The following SLC25A21 variants were observed in gnomAD, a reference collection of about 807,000 sequenced individuals.
SLC25A21 encodes mitochondrial 2-oxodicarboxylate carrier.
Under a neutral mutation model 43.8 loss-of-function variants are expected in SLC25A21, and 47 were observed. The observed-to-expected ratio is 1.07, with a 90% CI of 0.85 to 1.37. The LOEUF (loss-of-function observed/expected upper bound fraction) is 1.37, where lower values mean the gene tolerates loss of function less well. Ranked by LOEUF, SLC25A21 falls within the 40% of genes most tolerant of loss-of-function variation. SLC25A21 has a pLI of 0.00. For missense variants in SLC25A21, 352 were observed against 350.2 expected (o/e 1.00, Z -0.04); for synonymous variants, 131 against 121.3 (o/e 1.08, Z -0.52).
intron 1 of SLC25A21, among the ~76,000 whole-genome samples, chr14:37,141,007 G>A (rs567128086): frequency 1.6e-4 from 24 of 152,248 alleles, no homozygotes; most frequent in African/African-American, 4.1e-4. Flanking sequence ...TTAGCCAGGC[G>A]TGGTGGTGCA....
chr14:36,769,848 C>T (rs1250240286), intron 3 of SLC25A21, among the ~76,000 whole-genome samples: 1 of 152,202 alleles, frequency 6.6e-6, no homozygotes, highest in East Asian at 1.9e-4. Flanking sequence ...ATTTCTTACT[C>T]TTACACCTCT....
intron 1 of SLC25A21, among the ~76,000 whole-genome samples, chr14:37,157,051 A>G (rs1265770831): frequency 6.6e-6 from 1 of 152,168 alleles, no homozygotes; most frequent in Non-Finnish European, 1.5e-5. Flanking sequence ...GTCACAACAA[A>G]TTTTTAAAAA....
intron 1 of SLC25A21, among the ~76,000 whole-genome samples, chr14:37,088,253 A>G (rs1962522020): frequency 6.6e-6 from 1 of 152,184 alleles, no homozygotes; most frequent in Admixed American, 6.5e-5. Flanking sequence ...CAAGCTCTAA[A>G]AATATCCTGT....
intron 1 of SLC25A21, among the ~76,000 whole-genome samples, chr14:36,949,545 T>G (rs897030606): frequency 8.5e-5 from 13 of 152,310 alleles, no homozygotes; most frequent in African/African-American, 3.1e-4. Context: ...GTCCCCTGCC[T>G]CCTCTGCACT....
intron 1 of SLC25A21, among the ~76,000 whole-genome samples, chr14:37,008,797 T>C (rs570610490): frequency 6.6e-6 from 1 of 152,184 alleles, no homozygotes; most frequent in Non-Finnish European, 1.5e-5. Context: ...AATGATCTTA[T>C]AGTGAAGTTA....
rs528713937 is a variant in SLC25A21 at position 37,099,996 on chromosome 14, C to T, written c.70+72285G>A. ...CACATCCTCCTCTCCCTGGCAATTT[C>T]TATTCATTCCAGCTCAAATGCCACC... is the stretch of plus-strand genomic sequence containing the variant. On this transcript the variant is annotated intron_variant, in intron 1 of 9. Coordinates refer to ENST00000331299, the MANE Select transcript of SLC25A21 (RefSeq NM_030631.4). Among the ~76,000 whole-genome samples, 5 of 152,228 alleles carry T rather than the reference C, an allele frequency of 3.3e-5. No homozygotes were observed. In the South Asian group the frequency reaches 1.0e-3, roughly 32 times the overall value.
intron 1 of SLC25A21, among the ~76,000 whole-genome samples, chr14:37,149,636 G>A (rs1257039636): frequency 1.3e-5 from 2 of 152,148 alleles, no homozygotes; most frequent in Admixed American, 6.5e-5. Flanking sequence ...AGAGGTTGCA[G>A]TGAGCTGAGA....
At chr14:37,109,720 T>C (rs1469168801) in intron 1 of SLC25A21, among the ~76,000 whole-genome samples, 1 of 152,198 alleles carries the variant, frequency 6.6e-6, no homozygotes. Context: ...GACTTTGTCA[T>C]GATTCCTAAG....
At chr14:37,125,886 C>A (rs192461352) in intron 1 of SLC25A21, among the ~76,000 whole-genome samples, 4 of 152,066 alleles carry the variant, frequency 2.6e-5, no homozygotes, top group Non-Finnish European at 5.9e-5. Flanking sequence ...ATCCCAGGTA[C>A]GTAGCAATTC....
intron 1 of SLC25A21, among the ~76,000 whole-genome samples, chr14:37,085,605 CTT>C (rs1962469204): frequency 6.6e-6 from 1 of 152,116 alleles, no homozygotes. Flanking sequence ...ATCAAAATCT[CTT>C]TGTCTAGGAG....
intron 1 of SLC25A21, among the ~76,000 whole-genome samples, chr14:36,963,525 C>G (rs773312957): frequency 2.0e-5 from 3 of 152,196 alleles, no homozygotes; most frequent in Non-Finnish European, 4.4e-5. Flanking sequence ...ACAGACAGTT[C>G]AACCAACCTA....
chr14:36,709,446 C>G (rs1883733847), intron 7 of SLC25A21, among the ~76,000 whole-genome samples: 1 of 152,146 alleles, frequency 6.6e-6, no homozygotes, highest in African/African-American at 2.4e-5. Flanking sequence ...CATCCAGAAC[C>G]ACAGTGTTTA....
intron 1 of SLC25A21, among the ~76,000 whole-genome samples, chr14:36,983,981 G>A (rs796695885): frequency 1.1e-4 from 17 of 152,180 alleles, no homozygotes; most frequent in African/African-American, 4.1e-4. Flanking sequence ...AGACACTGGG[G>A]ACTCCAAAAG....
intron 1 of SLC25A21, among the ~76,000 whole-genome samples, chr14:36,881,251 T>C (rs1001569484): frequency 1.3e-5 from 2 of 152,204 alleles, no homozygotes; most frequent in Non-Finnish European, 2.9e-5. Context: ...ATCAAAATGT[T>C]ACATCATCTG....
intron 1 of SLC25A21, among the ~76,000 whole-genome samples, chr14:37,126,982 G>T (rs538641402): frequency 6.6e-6 from 1 of 152,282 alleles, no homozygotes; most frequent in Admixed American, 6.5e-5. Context: ...GGATCTACTT[G>T]AAAATACTGA....
At chr14:36,954,541 G>T (rs1223054952) in intron 1 of SLC25A21, among the ~76,000 whole-genome samples, 1 of 151,306 alleles carries the variant, frequency 6.6e-6, no homozygotes, top group Non-Finnish European at 1.5e-5. Context: ...ATTTTTAATT[G>T]ACACATAAAA....
chr14:36,684,637 G>T, intron 8 of SLC25A21, 107 bp downstream of exon 8: 1 of 991,820 alleles, frequency 1.0e-6, no homozygotes, highest in Non-Finnish European at 1.4e-6. Context: ...TTAGACACAA[G>T]CTCCACTTAG....
intron 7 of SLC25A21, among the ~76,000 whole-genome samples, chr14:36,705,513 T>C (rs966603942): frequency 5.3e-5 from 8 of 152,110 alleles, no homozygotes; most frequent in African/African-American, 1.9e-4. Context: ...TCTCCACAGC[T>C]TAGAATGGTA....
intron 1 of SLC25A21, among the ~76,000 whole-genome samples, chr14:37,043,940 G>GTTTTT (rs59081965): frequency 0.015 from 835 of 56,406 alleles, 19 homozygotes; most frequent in African/African-American, 0.056. Flanking sequence ...ATGTTTTTTT[G>GTTTTT]TTTTTTTTTT....
Sources: gnomAD v4.1 joint callset for allele counts (sites outside exome capture counted in the v4.1 genomes callset) on GRCh38, gnomAD v4.1.1 for gene constraint, MANE v1.5 for transcripts, NCBI Gene and HGNC (gene_info 2026-07-23, HGNC 2026-07-21) for gene names.